Variants in GPC5 observed in about 807,000 individuals in gnomAD.
GPC5 encodes glypican-5.
Under a neutral mutation model 53.9 loss-of-function variants are expected in GPC5, and 47 were observed. That is an observed-to-expected ratio of 0.87 (90% CI 0.69 to 1.11). The LOEUF is 1.11. GPC5 is among the 50% of genes most tolerant of loss of function. The pLI, the probability that GPC5 is intolerant of heterozygous loss-of-function variation, is 0.00. For missense variants in GPC5, 748 were observed against 713.1 expected, an observed-to-expected ratio of 1.05 and a Z score of -0.56; for synonymous variants, 286 against 263.3, an observed-to-expected ratio of 1.09 and a Z score of -0.84.
At chr13:91,966,737 C>A (rs1046378818) in intron 6 of GPC5, among the ~76,000 whole-genome samples, 24 of 152,088 alleles carry the variant, frequency 1.6e-4, no homozygotes, top group African/African-American at 5.3e-4. Flanking sequence ...ATGAGCTGAA[C>A]TATGATGTAA....
intron 6 of GPC5, among the ~76,000 whole-genome samples, chr13:91,976,603 G>T (rs1479624163): frequency 6.6e-6 from 1 of 152,192 alleles, no homozygotes; most frequent in Non-Finnish European, 1.5e-5. Context: ...GTTGGTTTGG[G>T]AATTATGACA....
At chr13:92,453,645 G>A (rs779545070) in intron 7 of GPC5, among the ~76,000 whole-genome samples, 1 of 152,154 alleles carries the variant, frequency 6.6e-6, no homozygotes, top group African/African-American at 2.4e-5. Flanking sequence ...AAAATGCAGC[G>A]CTAATGAAAT....
At chr13:92,716,668 G>A (rs1237031837) in intron 7 of GPC5, among the ~76,000 whole-genome samples, 1 of 152,016 alleles carries the variant, frequency 6.6e-6, no homozygotes, top group South Asian at 2.1e-4. Flanking sequence ...TATTTTAAAA[G>A]GTAGAGCTTA....
At chr13:92,408,716 G>A (rs1260016614) in intron 7 of GPC5, among the ~76,000 whole-genome samples, 1 of 151,876 alleles carries the variant, frequency 6.6e-6, no homozygotes, top group Non-Finnish European at 1.5e-5. Context: ...TATGTTCAGT[G>A]TGATACCAAT....
intron 2 of GPC5, among the ~76,000 whole-genome samples, chr13:91,549,670 A>T (rs2030508922): frequency 6.6e-6 from 1 of 152,188 alleles, no homozygotes; most frequent in Non-Finnish European, 1.5e-5. Context: ...GCTCAACATC[A>T]TATGTCATGA....
chr13:91,798,669 G>T (rs1369295836), intron 5 of GPC5, among the ~76,000 whole-genome samples: 1 of 151,976 alleles, frequency 6.6e-6, no homozygotes, highest in Non-Finnish European at 1.5e-5. Context: ...TTTTTATAAT[G>T]GAATGATTTA....
chr13:91,861,531 A>G (rs563974668), intron 5 of GPC5, among the ~76,000 whole-genome samples: 2 of 151,958 alleles, frequency 1.3e-5, no homozygotes, highest in African/African-American at 4.8e-5. Context: ...CAGCCACACA[A>G]GCTTCCTAAT....
At chr13:92,054,821 A>G (rs1010273679) in intron 6 of GPC5, among the ~76,000 whole-genome samples, 4 of 132,808 alleles carry the variant, frequency 3.0e-5, no homozygotes, top group Non-Finnish European at 6.6e-5. Flanking sequence ...TCAATAGATA[A>G]CATTGAACTA....
chr13:91,941,486 A>C (rs1277534078), intron 6 of GPC5, among the ~76,000 whole-genome samples: 1 of 152,082 alleles, frequency 6.6e-6, no homozygotes. Context: ...CCTGGGGATT[A>C]GTTCCTAGGA....
chr13:92,718,795 C>G (rs573634640), intron 7 of GPC5, among the ~76,000 whole-genome samples: 1 of 151,424 alleles, frequency 6.6e-6, no homozygotes, highest in Non-Finnish European at 1.5e-5. Context: ...ATTGCTTGAG[C>G]CTTGAGCAAT....
At chr13:91,610,734 G>A (rs1206702743) in intron 2 of GPC5, among the ~76,000 whole-genome samples, 1 of 152,160 alleles carries the variant, frequency 6.6e-6, no homozygotes, top group Non-Finnish European at 1.5e-5. Flanking sequence ...TAAGTGTGAC[G>A]AACGGTAAAT....
chr13:92,095,522 A>G (rs1258170781), intron 6 of GPC5, among the ~76,000 whole-genome samples: 1 of 149,306 alleles, frequency 6.7e-6, no homozygotes, highest in Non-Finnish European at 1.5e-5. Context: ...TAATTTTTGT[A>G]TTTTGTTTCT....
At chr13:92,346,018 C>A (rs371200535) in intron 7 of GPC5, among the ~76,000 whole-genome samples, 1 of 152,134 alleles carries the variant, frequency 6.6e-6, no homozygotes, top group Admixed American at 6.5e-5. Context: ...CTCTAGATAG[C>A]TAATCTCCAT....
intron 2 of GPC5, among the ~76,000 whole-genome samples, chr13:91,639,918 G>A (rs1247521346): frequency 6.6e-6 from 1 of 152,092 alleles, no homozygotes; most frequent in Non-Finnish European, 1.5e-5. Flanking sequence ...TAAAATACAA[G>A]GCAAGGAATT....
chr13:92,595,548 C>T, intron 7 of GPC5, among the ~76,000 whole-genome samples: 1 of 151,718 alleles, frequency 6.6e-6, no homozygotes, highest in East Asian at 1.9e-4. Context: ...GCAGGCGGAT[C>T]ACGAGGTCAG....
intron 1 of GPC5, among the ~76,000 whole-genome samples, chr13:91,411,016 G>A (rs892367766): frequency 2.0e-5 from 3 of 152,124 alleles, no homozygotes; most frequent in African/African-American, 4.8e-5. Context: ...AGCCGAGGCA[G>A]GAGAATCGCT....
chr13:91,920,366 A>G (rs1344462936), intron 6 of GPC5, among the ~76,000 whole-genome samples: 1 of 152,212 alleles, frequency 6.6e-6, no homozygotes, highest in Non-Finnish European at 1.5e-5. Flanking sequence ...ACACACAAAA[A>G]GAGAAAGTAA....
chr13:91,849,102 T>C (rs1222745290), intron 5 of GPC5, among the ~76,000 whole-genome samples: 1 of 152,212 alleles, frequency 6.6e-6, no homozygotes, highest in Non-Finnish European at 1.5e-5. Flanking sequence ...TCTCTGCAAC[T>C]CTTTCCTTCT....
In GPC5 at chr13:91,576,267, A is replaced by C. The variant is rs182209090; in HGVS notation, c.326-116920A>C. Among the ~76,000 whole-genome samples, 379 of 151,800 alleles carry C rather than the reference A, an allele frequency of 2.5e-3. 3 individuals carry two copies. Among genetic ancestry groups the C allele is most frequent in the African/African-American group, 8.7e-3 (361 of 41,326 alleles). ...GTAGATTTTAAGTGTTCTTATCACA[A>C]AAAAAATGATTAATACATATGTTAA... On this transcript the variant is annotated intron_variant, in intron 2 of 7. Transcript: ENST00000377067.
Sources: gnomAD v4.1 joint callset for allele counts (sites outside exome capture counted in the v4.1 genomes callset) on GRCh38, gnomAD v4.1.1 for gene constraint, MANE v1.5 for transcripts, NCBI Gene and HGNC (gene_info 2026-07-23, HGNC 2026-07-21) for gene names.